Variants in EYA1 observed in about 807,000 individuals in gnomAD.
EYA1 encodes the protein EYA transcriptional coactivator and phosphatase 1.
In EYA1, 16 loss-of-function variants were observed where a neutral mutation model predicts 82.0. That is an observed-to-expected ratio of 0.20 (90% confidence interval 0.13 to 0.30). The LOEUF (loss-of-function observed/expected upper bound fraction) is 0.30. Among genes scored for constraint, EYA1 ranks in the 10% least tolerant of loss-of-function variants. The probability of loss-of-function intolerance (pLI) is 1.00; values close to 1 mark genes in which losing one functional copy is unlikely to be tolerated. For synonymous variants in EYA1, 261 were observed against 264.4 expected, an observed-to-expected ratio of 0.99 and a Z score of 0.12; for missense variants, 633 against 730.7, an observed-to-expected ratio of 0.87 and a Z score of 1.54.
chr8:71,544,663 T>G (rs1815409296), intron 1 of EYA1, among the ~76,000 whole-genome samples: 1 of 152,222 alleles, frequency 6.6e-6, no homozygotes, highest in African/African-American at 2.4e-5. Flanking sequence ...GAAACCTGAC[T>G]GTACATCTTT....
chr8:71,260,731 C>A (rs988292953), intron 11 of EYA1, among the ~76,000 whole-genome samples: 1 of 152,134 alleles, frequency 6.6e-6, no homozygotes, highest in African/African-American at 2.4e-5. Flanking sequence ...GCTAAGCCTC[C>A]CTGGCAAGCA....
rs116165869 is a variant in EYA1, at chr8:71,213,817, A to C, written c.1597+1570T>G. Among the ~76,000 whole-genome samples the C allele has an allele frequency of 5.4e-3, 817 of 152,328 alleles. 10 individuals are homozygous for C. The highest frequency in any genetic ancestry group is 0.018 in the African/African-American group (768 of 41,566). Reference sequence around the variant, plus strand: ...TGTGCCGCTATTGACGCACGTGCCTAAAAGAAATCTTGTGTCGGCCTTCTT... The same window carrying C: ...TGTGCCGCTATTGACGCACGTGCCTCAAAGAAATCTTGTGTCGGCCTTCTT... On this transcript the variant is annotated intron_variant, in intron 16 of 17. Transcript: ENST00000340726.
chr8:71,205,017 C>T lies in EYA1; in HGVS notation c.1699-5597G>A, dbSNP rs548114422. Among the ~76,000 whole-genome samples, 5 of 152,060 alleles carry T rather than the reference C, an allele frequency of 3.3e-5. No individual in the cohort carries two copies. In the South Asian group the frequency reaches 1.0e-3, roughly 31 times the overall value. ...CTTGATGTCCCACTTAAACTAAAAACAAAAAAGTGCTTTACAAATGTTATT... is the reference window on the plus strand; with the variant it reads ...CTTGATGTCCCACTTAAACTAAAAATAAAAAAGTGCTTTACAAATGTTATT... On this transcript the variant is annotated intron_variant, in intron 17 of 17. Coordinates refer to ENST00000340726, the MANE Select transcript of EYA1 (RefSeq NM_000503.6).
At chr8:71,210,361 A>C (rs1188342777) in intron 17 of EYA1, among the ~76,000 whole-genome samples, 1 of 152,206 alleles carries the variant, frequency 6.6e-6, no homozygotes, top group Non-Finnish European at 1.5e-5. Flanking sequence ...AGGAAGGAAA[A>C]GCTGTGGGGC....
chr8:71,465,199 T>C (rs372148084), intron 2 of EYA1, among the ~76,000 whole-genome samples: 5 of 152,234 alleles, frequency 3.3e-5, no homozygotes, highest in African/African-American at 1.2e-4. Flanking sequence ...TCTATGTTTA[T>C]TGCCTCTATA....
At chr8:71,497,779 A>G (rs936186987) in intron 2 of EYA1, among the ~76,000 whole-genome samples, 3 of 152,238 alleles carry the variant, frequency 2.0e-5, no homozygotes, top group Non-Finnish European at 4.4e-5. Flanking sequence ...TTATTGCAGC[A>G]TTATTCACAA....
intron 12 of EYA1, among the ~76,000 whole-genome samples, chr8:71,233,576 A>G (rs1756011486): frequency 6.6e-6 from 1 of 151,560 alleles, no homozygotes; most frequent in South Asian, 2.1e-4. Context: ...AAAAAAAAAA[A>G]AAAGAAAAAA....
intron 2 of EYA1, among the ~76,000 whole-genome samples, chr8:71,452,505 TG>T (rs1807473398): frequency 1.3e-5 from 2 of 152,154 alleles, no homozygotes. Flanking sequence ...GTACCCTAAC[TG>T]GGAGGCACCC....
intron 10 of EYA1, among the ~76,000 whole-genome samples, chr8:71,270,480 T>C (rs1816387141): frequency 6.6e-6 from 1 of 152,226 alleles, no homozygotes; most frequent in South Asian, 2.1e-4. Context: ...AAGGAATTCA[T>C]TTCAAAAAGG....
intron 3 of EYA1, 173 bp from the exon 4 acceptor site, chr8:71,334,347 T>A: frequency 1.5e-6 from 1 of 687,010 alleles, no homozygotes; most frequent in Non-Finnish European, 2.6e-6. Flanking sequence ...ATTCACATAT[T>A]AAGTTCTTTC....
At chr8:71,449,691 A>T (rs376938322) in intron 2 of EYA1, among the ~76,000 whole-genome samples, 3 of 152,334 alleles carry the variant, frequency 2.0e-5, no homozygotes, top group African/African-American at 7.2e-5. Context: ...GCCCCTAACC[A>T]GAGAGTCAGC....
chr8:71,212,299 G>A (rs1808610548), intron 16 of EYA1, among the ~76,000 whole-genome samples: 1 of 152,190 alleles, frequency 6.6e-6, no homozygotes, highest in South Asian at 2.1e-4. Context: ...ATGAAATAGA[G>A]CTAGCCTTAT....
chr8:71,370,515 C>T (rs1037340124), intron 2 of EYA1, among the ~76,000 whole-genome samples: 1 of 151,518 alleles, frequency 6.6e-6, no homozygotes, highest in African/African-American at 2.4e-5. Flanking sequence ...TTTATTTTTG[C>T]TTTCTCTAGA....
chr8:71,309,771 G>T (rs1461186171), intron 7 of EYA1, among the ~76,000 whole-genome samples: 1 of 152,166 alleles, frequency 6.6e-6, no homozygotes, highest in Admixed American at 6.5e-5. Context: ...TAATGAGGCA[G>T]GGATGCATGA....
At chr8:71,394,686 T>C (rs547164768) in intron 2 of EYA1, among the ~76,000 whole-genome samples, 84 of 152,358 alleles carry the variant, frequency 5.5e-4, no homozygotes, top group Middle Eastern at 3.4e-3. Context: ...GCTGGTTTGG[T>C]TACTGTAGCC....
At chr8:71,217,954 T>C (rs925750590) in intron 12 of EYA1, among the ~76,000 whole-genome samples, 11 of 152,118 alleles carry the variant, frequency 7.2e-5, no homozygotes, top group African/African-American at 2.2e-4. Flanking sequence ...GAACAGGCAC[T>C]CAATAAACAT....
In EYA1 at chr8:71,199,121, A is replaced by G; in HGVS notation, c.*219T>C. The G allele has an allele frequency of 1.6e-6, 1 of 612,498 alleles. No individual in the cohort carries two copies. The highest frequency in any genetic ancestry group is 3.0e-6 in the Non-Finnish European group (1 of 336,716). The allele number at this position is 612,498 out of a possible 1,614,324, so 37.9% of individuals were successfully genotyped here. Reference sequence around the variant, plus strand: ...CTGTGCTAAAACATTCTCATGGCTTATTTTCACTGGATTCACAGTACTAGA... The same window carrying G: ...CTGTGCTAAAACATTCTCATGGCTTGTTTTCACTGGATTCACAGTACTAGA... On this transcript the variant is annotated 3_prime_UTR_variant, in exon 18 of 18. Transcript: ENST00000340726.
chr8:71,388,794 T>A lies in EYA1; in HGVS notation c.34-32283A>T, dbSNP rs573204470. On this transcript the variant is annotated intron_variant, in intron 2 of 18. Transcript: ENST00000643681. The stretch of plus-strand genomic sequence containing the variant: ...AGGAAGTACATTTTAATAAGCATAA[T>A]AGTGATAGTCAGAATCAGCTTGAAA... Among the ~76,000 whole-genome samples the A allele has an allele frequency of 3.3e-5, 5 of 152,202 alleles. No homozygotes were observed. The East Asian group carries it at 5.8e-4, about 18-fold the overall frequency.
At chr8:71,375,923 C>A (rs2129094546) in intron 2 of EYA1, among the ~76,000 whole-genome samples, 1 of 152,254 alleles carries the variant, frequency 6.6e-6, no homozygotes, top group African/African-American at 2.4e-5. Context: ...GCCACCACAC[C>A]TGGACAACAA....
Sources: gnomAD v4.1 joint callset for allele counts (sites outside exome capture counted in the v4.1 genomes callset) on GRCh38, gnomAD v4.1.1 for gene constraint, MANE v1.5 for transcripts, NCBI Gene and HGNC (gene_info 2026-07-23, HGNC 2026-07-21) for gene names.